Variants in ADAM28 observed in about 807,000 individuals in gnomAD.
The protein encoded by ADAM28 is ADAM metallopeptidase domain 28.
In ADAM28, 105 loss-of-function variants were observed where a neutral mutation model predicts 101.2. That is an observed-to-expected ratio of 1.04 (90% CI 0.89 to 1.22). ADAM28 has a LOEUF of 1.22. ADAM28 is among the 50% of genes most tolerant of loss of function. ADAM28 has a pLI of 0.00. For synonymous variants in ADAM28, 322 were observed against 310.6 expected (o/e 1.04, Z -0.39); for missense variants, 1,028 against 945.4 (o/e 1.09, Z -1.15).
Position 24,356,554 on chromosome 8 carries a change from A to T in ADAM28, c.*2150A>T, listed in dbSNP as rs1298807063. Reference sequence around the variant, plus strand: ...AGGAAAACCATTATTTTATCATAGAACTGCGAACCCAAGTCCTACAATGTT... The same window carrying T: ...AGGAAAACCATTATTTTATCATAGATCTGCGAACCCAAGTCCTACAATGTT... On this transcript the variant is annotated 3_prime_UTR_variant, in exon 23 of 23. Coordinates refer to ENST00000265769, the MANE Select transcript of ADAM28 (RefSeq NM_014265.6). 3 of 152,166 alleles carry T rather than the reference A, an allele frequency of 2.0e-5. No homozygotes were observed. Among genetic ancestry groups the T allele is most frequent in the African/African-American group, 7.2e-5 (3 of 41,456 alleles). The allele number at this position is 152,166 out of a possible 1,614,324, so 9.4% of individuals were successfully genotyped here. A position where few individuals can be genotyped will look rare whatever the true frequency, so the allele number is the denominator to read the frequency against.
chr8:24,303,066 T>TA (rs1430592967), intron 2 of ADAM28, among the ~76,000 whole-genome samples: 2 of 152,108 alleles, frequency 1.3e-5, no homozygotes, highest in African/African-American at 4.8e-5. Flanking sequence ...CAATAGATTG[T>TA]AAAAATTTTC....
intron 8 of ADAM28, chr8:24,322,714 G>C (rs543249275): frequency 6.6e-6 from 1 of 152,066 alleles, no homozygotes; most frequent in South Asian, 2.1e-4. Context: ...ATAATCCAGT[G>C]AAGGATGATA....
At chr8:24,344,705 CT>C (rs1815201084) in intron 18 of ADAM28, among the ~76,000 whole-genome samples, 1 of 150,708 alleles carries the variant, frequency 6.6e-6, no homozygotes, top group Non-Finnish European at 1.5e-5. Flanking sequence ...ACATAATCAA[CT>C]GTTTTAATTA....
rs76579335 is a variant in ADAM28, at chr8:24,313,609, C to T, written c.576+29C>T. The T allele has an allele frequency of 1.4e-3, 2,300 of 1,604,676 alleles. 55 individuals are homozygous for T. In the East Asian group the frequency reaches 0.043, roughly 30 times the overall value. On this transcript the variant is annotated intron_variant, in intron 6 of 22. Transcript: ENST00000265769. ...TGTGTAACTTTATTTATTTGAAATG[C>T]TCTCATGTATTCTGCCCTGGTTTCC...
In ADAM28 at chr8:24,313,448, G is replaced by T. The variant is rs1430980846; in HGVS notation, c.444G>T (p.Arg148=). ...TTGAACCTTTAAGCCCCATACATCG[G>T]GATGGACAGGAGCATGCACTCTTCA... ...YFIEPLSPIH[R]DGQEHALFKY... The change falls in exon 6 of 23, where the codon CGG becomes CGT. Residue 148 remains arginine (R), a synonymous_variant. Transcript: ENST00000265769. The T allele has an allele frequency of 1.2e-6, 2 of 1,613,758 alleles. No individual in the cohort carries two copies. Among genetic ancestry groups the T allele is most frequent in the Middle Eastern group, 1.7e-4 (1 of 6,060 alleles).
chr8:24,343,864 T>G (rs1815089589), intron 18 of ADAM28, among the ~76,000 whole-genome samples: 1 of 152,236 alleles, frequency 6.6e-6, no homozygotes, highest in Admixed American at 6.5e-5. Context: ...CTCTTCCATT[T>G]TCATAGCAGC....
chr8:24,353,349 C>T (rs182592471), intron 21 of ADAM28, among the ~76,000 whole-genome samples: 2 of 152,206 alleles, frequency 1.3e-5, no homozygotes, highest in East Asian at 3.9e-4. Flanking sequence ...ACAGTACATT[C>T]ACTCATTAAA....
intron 7 of ADAM28, 27 bp downstream of exon 7, chr8:24,320,334 C>G (rs771489977): frequency 8.5e-6 from 12 of 1,415,376 alleles, no homozygotes; most frequent in Middle Eastern, 1.8e-4. Flanking sequence ...AATGTGCTGT[C>G]TTCCAAAACT....
intron 8 of ADAM28, among the ~76,000 whole-genome samples, chr8:24,321,715 G>T (rs997459377): frequency 6.6e-6 from 1 of 151,900 alleles, no homozygotes; most frequent in African/African-American, 2.4e-5. Flanking sequence ...AAAGCCTAAT[G>T]CATAGCTAAG....
In ADAM28 at chr8:24,326,536, T is replaced by C; in HGVS notation, c.891-18T>C. 6.2e-7 allele frequency: 1 copy of C among 1,605,644 alleles called. No homozygotes were observed. Among genetic ancestry groups the C allele is most frequent in the Non-Finnish European group, 8.5e-7 (1 of 1,173,426 alleles). ...TTAGCATTATAATTTGTTACATCAA[T>C]TTATTCCTTTCTTGCAGAGCAACAG... On this transcript the variant is annotated intron_variant, in intron 9 of 22. Transcript: ENST00000265769.
intron 3 of ADAM28, 84 bp from the exon 4 acceptor site, chr8:24,310,079 G>A (rs1810246431): frequency 3.9e-6 from 6 of 1,531,234 alleles, no homozygotes; most frequent in South Asian, 1.1e-5. Flanking sequence ...ACTAATCAGC[G>A]TTTGCTCTCA....
chr8:24,313,415 A>AT lies in ADAM28; in HGVS notation c.412dup (p.Tyr138LeufsTer4). 6.2e-7 allele frequency: 1 copy of AT among 1,612,482 alleles called. No homozygotes were observed. The highest frequency in any genetic ancestry group is 8.5e-7 in the Non-Finnish European group (1 of 1,179,374). On this transcript the variant is annotated frameshift_variant, in exon 6 of 23. Transcript: ENST00000265769. LOFTEE classifies it high-confidence loss of function. ...GCTACTTCAGTCAGGGGGATCAAAG[A>AT]TACTTTATTGAACCTTTAAGCCCCA...
chr8:24,342,964 C>T (rs1814967142), intron 16 of ADAM28, 137 bp from the exon 17 acceptor site: 2 of 1,452,316 alleles, frequency 1.4e-6, no homozygotes, highest in Admixed American at 2.5e-5. Flanking sequence ...CAGAGCCCGT[C>T]TCTGTTTCCC....
intron 15 of ADAM28, chr8:24,341,330 A>T (rs1814733819): frequency 3.1e-6 from 1 of 323,390 alleles, no homozygotes; most frequent in African/African-American, 2.2e-5. Flanking sequence ...TGTGCTTAAG[A>T]TTCTGTTTTC....
At chr8:24,303,979 CTT>C (rs1016242749) in intron 2 of ADAM28, among the ~76,000 whole-genome samples, 4 of 151,818 alleles carry the variant, frequency 2.6e-5, no homozygotes, top group Admixed American at 1.3e-4. Context: ...ATTATCTACT[CTT>C]TATGTGTTTT....
intron 9 of ADAM28, among the ~76,000 whole-genome samples, chr8:24,325,887 A>ACAAACAAAC (rs777636167): frequency 0.026 from 3,522 of 135,980 alleles, 92 homozygotes; most frequent in East Asian, 0.082. Context: ...AAAAAAAAAA[A>ACAAACAAAC]AAAAAAAAAA....
rs1452750042 is a variant in ADAM28, at chr8:24,339,574, T to A, written c.1670+6T>A. On this transcript the variant is annotated splice_donor_region_variant and intron_variant, in intron 15 of 22. Coordinates refer to ENST00000265769, the MANE Select transcript of ADAM28 (RefSeq NM_014265.6). Reference sequence around the variant, plus strand: ...CTCATTCCCTGCAAAGCAAAGTAAGTGGCCTTGTCTGAACCTTCCTGCTTC... The same window carrying A: ...CTCATTCCCTGCAAAGCAAAGTAAGAGGCCTTGTCTGAACCTTCCTGCTTC... 2 of 1,607,526 alleles carry A rather than the reference T, an allele frequency of 1.2e-6. No individual in the cohort carries two copies. Among genetic ancestry groups the A allele is most frequent in the Non-Finnish European group, 1.7e-6 (2 of 1,176,414 alleles).
intron 21 of ADAM28, among the ~76,000 whole-genome samples, chr8:24,352,359 A>ACTTCT (rs1441991037): frequency 3.9e-5 from 6 of 152,210 alleles, no homozygotes; most frequent in Admixed American, 1.3e-4. Flanking sequence ...ACAGATATTT[A>ACTTCT]CTTCTCACAT....
chr8:24,319,188 A>G (rs926629250), intron 6 of ADAM28, among the ~76,000 whole-genome samples: 1 of 151,876 alleles, frequency 6.6e-6, no homozygotes, highest in Non-Finnish European at 1.5e-5. Flanking sequence ...CCCTGCTGGA[A>G]TTGTCTTCCA....
Sources: gnomAD v4.1 joint callset for allele counts (sites outside exome capture counted in the v4.1 genomes callset) on GRCh38, gnomAD v4.1.1 for gene constraint, MANE v1.5 for transcripts, NCBI Gene and HGNC (gene_info 2026-07-23, HGNC 2026-07-21) for gene names.